The following PPP1R10 variants were observed in gnomAD, a reference collection of about 807,000 sequenced individuals.
PPP1R10 encodes serine/threonine-protein phosphatase 1 regulatory subunit 10.
A neutral mutation model predicts 99.0 loss-of-function variants in PPP1R10; 15 were observed. The observed-to-expected ratio is 0.15, with a 90% CI of 0.10 to 0.23. The LOEUF (loss-of-function observed/expected upper bound fraction) is 0.23. PPP1R10 is among the 10% of genes least tolerant of loss of function. The probability of loss-of-function intolerance (pLI) is 1.00; values close to 1 mark genes in which losing one functional copy is unlikely to be tolerated. For missense variants in PPP1R10, 947 were observed against 1,259.4 expected (o/e 0.75, Z 3.75); for synonymous variants, 430 against 449.5 (o/e 0.96, Z 0.55).
At chr6:30,613,604 G>C (rs922090891) in intron 2 of PPP1R10, among the ~76,000 whole-genome samples, 5 of 152,080 alleles carry the variant, frequency 3.3e-5, no homozygotes, top group Admixed American at 2.6e-4. Flanking sequence ...TTCCAATAAA[G>C]ATGCAAAATG....
In PPP1R10 at chr6:30,616,663, T is replaced by TAAA. The variant is rs1166019745; in HGVS notation, c.-198_-197insTTT. 1 of 151,834 alleles carries TAAA rather than the reference T, an allele frequency of 6.6e-6. No homozygotes were observed. Among genetic ancestry groups the TAAA allele is most frequent in the Non-Finnish European group, 1.5e-5 (1 of 67,946 alleles). 9.4% of individuals were successfully genotyped at this position (151,834 alleles called of 1,614,324 possible). A position where few individuals can be genotyped will look rare whatever the true frequency, so the allele number is the denominator to read the frequency against. ...TTCATTTCCCCCCCACCCAACTCCATTTAGGGAGGGGGGTCGCAGAAAAAA... is the reference window on the plus strand; with the variant it reads ...TTCATTTCCCCCCCACCCAACTCCATAAATTAGGGAGGGGGGTCGCAGAAAAAA... On this transcript the variant is annotated 5_prime_UTR_variant, in exon 2 of 20. Transcript: ENST00000376511.
rs772004885 is a variant in PPP1R10 at position 30,602,529 on chromosome 6, C to T, written c.2120G>A (p.Arg707Gln). The T allele has an allele frequency of 5.1e-6, 8 of 1,572,024 alleles. No homozygotes were observed. The highest frequency in any genetic ancestry group is 1.8e-5 in the Admixed American group (1 of 54,534). The change falls in exon 19 of 20, where the codon CGA becomes CAA. Residue 707 changes from arginine to glutamine, a missense_variant. By Grantham distance (43) the Arg-to-Gln change is conservative (BLOSUM62 1). Around this residue, in one of 10 missense-constraint regions of PPP1R10, gnomAD observed 525 missense variants for 578.8 expected, o/e 0.91. Coordinates refer to ENST00000376511, the MANE Select transcript of PPP1R10 (RefSeq NM_002714.4). The surrounding 1 kb of genome is among the most constrained non-coding windows in gnomAD (Gnocchi z 6.7). ...AGGTTCGTTTCCTCCTCGGCCACCT[C>T]GGCCTCTATGGTATGGTCCAGGACC... Reference protein sequence around the residue: ...GPGPGPYHRGRGGRGGNEPPP... With the variant: ...GPGPGPYHRGQGGRGGNEPPP...
intron 2 of PPP1R10, among the ~76,000 whole-genome samples, chr6:30,614,081 G>GA (rs1804831392): frequency 6.6e-6 from 1 of 152,080 alleles, no homozygotes; most frequent in Non-Finnish European, 1.5e-5. Context: ...AAATTATATG[G>GA]AGAGTCTGAT....
At chr6:30,603,005 C>T (rs1298618172) in intron 17 of PPP1R10, 46 bp from the exon 18 acceptor site, 1 of 1,471,188 alleles carries the variant, frequency 6.8e-7, no homozygotes, top group Non-Finnish European at 9.2e-7. Flanking sequence ...CTCTAGAAGA[C>T]TAGCATGATC....
chr6:30,616,335 T>C (rs1324085610), intron 2 of PPP1R10, 143 bp downstream of exon 2: 1 of 152,654 alleles, frequency 6.6e-6, no homozygotes, highest in Non-Finnish European at 1.5e-5. Context: ...CCCTTTTTAA[T>C]GGAGATTAAG....
At chr6:30,608,304 T>C (rs1804174148) in intron 5 of PPP1R10, among the ~76,000 whole-genome samples, 1 of 136,194 alleles carries the variant, frequency 7.3e-6, no homozygotes, top group African/African-American at 3.1e-5. Context: ...CACATTCCTT[T>C]TTTTTTTTTT....
Position 30,606,728 on chromosome 6 carries a change from A to T in PPP1R10, c.460+51T>A. On this transcript the variant is annotated intron_variant, in intron 7 of 19. Transcript: ENST00000376511. This position sits in a 1 kb window ranked among gnomAD's most constrained non-coding sequence, Gnocchi z 6.3. ...CAGACTGGGAGCACCTAAAGGCCACATCCCAATAGGAAAGAAATAAATACA... is the reference window on the plus strand; with the variant it reads ...CAGACTGGGAGCACCTAAAGGCCACTTCCCAATAGGAAAGAAATAAATACA... 1.2e-6 allele frequency: 2 copies of T among 1,609,274 alleles called. No homozygotes were observed. The highest frequency in any genetic ancestry group is 1.7e-6 in the Non-Finnish European group (2 of 1,175,574).
intron 2 of PPP1R10, among the ~76,000 whole-genome samples, chr6:30,613,433 C>T (rs1277983779): frequency 6.6e-6 from 1 of 152,186 alleles, no homozygotes; most frequent in East Asian, 1.9e-4. Flanking sequence ...CCCTTCCTTT[C>T]TTCAGTGTTT....
At chr6:30,603,043 T>A (rs1803536318) in intron 17 of PPP1R10, 84 bp from the exon 18 acceptor site, 12 of 1,397,330 alleles carry the variant, frequency 8.6e-6, no homozygotes, top group Non-Finnish European at 1.2e-5. Context: ...CAACTGACCC[T>A]CTCAAACCAA....
chr6:30,602,121 C>G lies in PPP1R10; in HGVS notation c.2528G>C (p.Gly843Ala). The G allele has an allele frequency of 6.2e-7, 1 of 1,606,684 alleles. No homozygotes were observed. The highest frequency in any genetic ancestry group is 8.5e-7 in the Non-Finnish European group (1 of 1,176,224). Reference sequence around the variant, plus strand: ...AGGGCCTTCATGGGGACGATGTCCACCACTTCCACCCATGCTTCCGCCAGG... The same window carrying G: ...AGGGCCTTCATGGGGACGATGTCCAGCACTTCCACCCATGCTTCCGCCAGG... The part of the protein sequence containing the change: ...EGPGGSMGGS[G>A]GHRPHEGPGH... The change falls in exon 19 of 20, where the codon GGT becomes GCT. Residue 843 changes from glycine (G) to alanine (A), a missense_variant. Gly to Ala is a moderately conservative substitution (Grantham distance 60, BLOSUM62 0). Coordinates refer to ENST00000376511, the MANE Select transcript of PPP1R10 (RefSeq NM_002714.4). The surrounding 1 kb of genome is among the most constrained non-coding windows in gnomAD (Gnocchi z 6.7).
At chr6:30,607,755 C>A (rs1804101232) in intron 6 of PPP1R10, 85 bp downstream of exon 6, 4 of 1,433,974 alleles carry the variant, frequency 2.8e-6, no homozygotes, top group Non-Finnish European at 3.9e-6. Flanking sequence ...AGTGAAGGGA[C>A]AATCCAAGGA....
rs752399603 is a variant in PPP1R10, at chr6:30,602,249, G to A, written c.2400C>T (p.His800=). 1.7e-5 allele frequency: 27 copies of A among 1,611,312 alleles called. 1 individual carries two copies. The highest frequency in any genetic ancestry group is 3.3e-5 in the Admixed American group (2 of 59,900). ...CACTGATGCCACCGCCAGGGCCTTC[G>A]TGGGGACGATGTCCTCCACCCCCAC... is the stretch of plus-strand genomic sequence containing the variant. ...SMGGGGGHRP[H]EGPGGGISGG... is the part of the protein sequence containing the mutation. Residue 800 remains histidine (H), a synonymous_variant, in exon 19 of 20, where the codon CAC becomes CAT. Coordinates refer to ENST00000376511, the MANE Select transcript of PPP1R10 (RefSeq NM_002714.4). This position sits in a 1 kb window ranked among gnomAD's most constrained non-coding sequence, Gnocchi z 6.7.
rs35689098 is a variant in PPP1R10 at position 30,602,597 on chromosome 6, G to A, written c.2052C>T (p.Gly684=). ...RGGDPFWDGP[G]DPMRGGPMRG... ...GCATTGGGCCACCCCGCATAGGGTC[G>A]CCCGGGCCATCCCAGAAGGGATCAC... Residue 684 remains glycine (G), a synonymous_variant, in exon 19 of 20, where the codon GGC becomes GGT. Transcript: ENST00000376511. This position sits in a 1 kb window ranked among gnomAD's most constrained non-coding sequence, Gnocchi z 6.7. 6.3e-3 allele frequency: 9,865 copies of A among 1,574,682 alleles called. 269 individuals are homozygous for A. The African/African-American group carries it at 0.077, about 12-fold the overall frequency.
chr6:30,610,105 G>C, intron 2 of PPP1R10, 150 bp from the exon 3 acceptor site: 2 of 625,134 alleles, frequency 3.2e-6, no homozygotes. Context: ...ATGAAAAATC[G>C]ACACAGACCA....
At chr6:30,601,679 CAGTT>C (rs1252803850) in intron 19 of PPP1R10, 21 bp from the exon 20 acceptor site, 14 of 1,605,296 alleles carry the variant, frequency 8.7e-6, no homozygotes, top group African/African-American at 2.7e-5. Flanking sequence ...GATGGCAAAA[CAGTT>C]AGACAGGAAA....
chr6:30,603,255 G>A lies in PPP1R10; in HGVS notation c.1798C>T (p.Leu600=). Reference sequence around the variant, plus strand: ...TCCGAATAGTCTGGTTGTTTCAGTAGTTCCTCTGAAGGATGACTGTTTGGG... The same window carrying A: ...TCCGAATAGTCTGGTTGTTTCAGTAATTCCTCTGAAGGATGACTGTTTGGG... ...GSPNSHPSEE[L]LKQPDYSDKI... is the part of the protein sequence containing the mutation. Residue 600 remains leucine, a synonymous_variant, in exon 17 of 20, where the codon CTA becomes TTA. Transcript: ENST00000376511. 2.5e-6 allele frequency: 4 copies of A among 1,613,856 alleles called. No homozygotes were observed. The highest frequency in any genetic ancestry group is 3.4e-6 in the Non-Finnish European group (4 of 1,179,752).
rs772883444 is a variant in PPP1R10 at position 30,609,961 on chromosome 6, G to C, written c.-11-6C>G. 1.3e-6 allele frequency: 2 copies of C among 1,595,910 alleles called. No individual in the cohort carries two copies. Among genetic ancestry groups the C allele is most frequent in the Non-Finnish European group, 1.7e-6 (2 of 1,163,476 alleles). On this transcript the variant is annotated splice_polypyrimidine_tract_variant and splice_region_variant and intron_variant, in intron 2 of 19. Transcript: ENST00000376511. The surrounding 1 kb of genome is among the most constrained non-coding windows in gnomAD (Gnocchi z 4.5). ...CGAACCCATGATGGTGGTTTCTATG[G>C]TAAGAGGACAAAACAAACAAACCCA...
Position 30,608,405 on chromosome 6 carries a change from G to A in PPP1R10, c.330+374C>T, listed in dbSNP as rs973173264. Among the ~76,000 whole-genome samples, 5 of 151,550 alleles carry A rather than the reference G, an allele frequency of 3.3e-5. No homozygotes were observed. The East Asian group carries it at 7.8e-4, about 24-fold the overall frequency. On this transcript the variant is annotated intron_variant, in intron 5 of 19. Coordinates refer to ENST00000376511, the MANE Select transcript of PPP1R10 (RefSeq NM_002714.4). ...TAACCTCCACCTCCTGGGTTCAAGC[G>A]ATTCTCCAGCCTCAGCCTCCTGATT...
chr6:30,610,986 T>C (rs1561847178), intron 2 of PPP1R10, among the ~76,000 whole-genome samples: 1 of 152,220 alleles, frequency 6.6e-6, no homozygotes, highest in Non-Finnish European at 1.5e-5. Context: ...GATTTTTATC[T>C]ACACTGCCTC....
Sources: allele counts gnomAD v4.1 joint callset (sites outside exome capture counted in the v4.1 genomes callset), GRCh38; gene constraint gnomAD v4.1.1; regional missense constraint gnomAD v4.1.1; non-coding constraint Gnocchi (gnomAD v3.1); transcripts MANE v1.5; gene names NCBI Gene and HGNC (gene_info 2026-07-23, HGNC 2026-07-21).